Variants in CHODL observed in about 807,000 individuals in gnomAD.
The protein encoded by CHODL is chondrolectin, also known as transmembrane protein MT75.
A neutral mutation model predicts 34.5 loss-of-function variants in CHODL; 29 were observed. The ratio of observed to expected loss-of-function variants is 0.84; its 90% CI spans 0.63 to 1.15. CHODL has a LOEUF of 1.15. Ranked by LOEUF, CHODL falls within the 50% of genes most tolerant of loss-of-function variation. The pLI is 0.00. For synonymous variants in CHODL, 125 were observed against 116.1 expected (o/e 1.08, Z -0.49); for missense variants, 332 against 332.5 (o/e 1.00, Z 0.01).
intron 2 of CHODL, among the ~76,000 whole-genome samples, chr21:18,120,004 T>A (rs2065460427): frequency 6.6e-6 from 1 of 152,160 alleles, no homozygotes; most frequent in South Asian, 2.1e-4. Flanking sequence ...TGTTTGGTGG[T>A]GAGATGCAGA....
chr21:18,263,676 T>C (rs1446196107), intron 5 of CHODL, among the ~76,000 whole-genome samples: 1 of 152,194 alleles, frequency 6.6e-6, no homozygotes, highest in Non-Finnish European at 1.5e-5. Context: ...GCATGTTTGC[T>C]AGAATAAACT....
At chr21:17,932,457 T>C (rs1054080082) in intron 1 of CHODL, among the ~76,000 whole-genome samples, 1 of 152,150 alleles carries the variant, frequency 6.6e-6, no homozygotes, top group Admixed American at 6.5e-5. Context: ...CACTGTTGAG[T>C]ATCTACCCAA....
chr21:18,089,402 C>A (rs932190090), intron 2 of CHODL, among the ~76,000 whole-genome samples: 5 of 151,912 alleles, frequency 3.3e-5, no homozygotes, highest in Non-Finnish European at 7.4e-5. Flanking sequence ...AGTTTAATTT[C>A]TCTTCTGTTT....
intron 2 of CHODL, among the ~76,000 whole-genome samples, chr21:18,147,683 T>G (rs2146621269): frequency 6.6e-6 from 1 of 152,352 alleles, no homozygotes; most frequent in East Asian, 1.9e-4. Flanking sequence ...TCTCTGTCAC[T>G]TCTACTCAAC....
intron 5 of CHODL, among the ~76,000 whole-genome samples, chr21:18,265,418 A>G (rs2074447032): frequency 6.6e-6 from 1 of 152,102 alleles, no homozygotes; most frequent in Admixed American, 6.6e-5. Flanking sequence ...GAAGTAATAC[A>G]GGAATGAAAA....
intron 2 of CHODL, among the ~76,000 whole-genome samples, chr21:18,061,699 A>G (rs1374136573): frequency 2.0e-5 from 3 of 152,284 alleles, no homozygotes; most frequent in South Asian, 2.1e-4. Flanking sequence ...ACTCTCCACA[A>G]TTTCGTGGTG....
At chr21:18,045,047 A>G (rs1207375439) in intron 2 of CHODL, among the ~76,000 whole-genome samples, 3 of 151,946 alleles carry the variant, frequency 2.0e-5, no homozygotes, top group Non-Finnish European at 4.4e-5. Context: ...GGTGATAAGA[A>G]AAAAGCAGTG....
chr21:18,200,312 G>T (rs375688778), intron 2 of CHODL, among the ~76,000 whole-genome samples: 32 of 152,162 alleles, frequency 2.1e-4, no homozygotes, highest in East Asian at 1.9e-3. Context: ...TATAAAATTT[G>T]CAATATAAAT....
chr21:17,917,730 G>A (rs1433927412), intron 1 of CHODL, among the ~76,000 whole-genome samples: 2 of 152,192 alleles, frequency 1.3e-5, no homozygotes, highest in Non-Finnish European at 2.9e-5. Flanking sequence ...CATTGATGTG[G>A]TTCACAAATG....
chr21:18,250,016 T>A (rs1003620669), intron 1 of CHODL, among the ~76,000 whole-genome samples: 1 of 152,164 alleles, frequency 6.6e-6, no homozygotes, highest in Non-Finnish European at 1.5e-5. Context: ...GGAGAGGTCG[T>A]CTTTTCCCAA....
intron 1 of CHODL, among the ~76,000 whole-genome samples, chr21:17,953,749 C>G (rs576275132): frequency 6.6e-6 from 1 of 152,028 alleles, no homozygotes; most frequent in Non-Finnish European, 1.5e-5. Flanking sequence ...TGGTGGCTCA[C>G]GCCTGTAATT....
intron 1 of CHODL, among the ~76,000 whole-genome samples, chr21:17,982,235 T>C (rs2063719587): frequency 1.3e-5 from 2 of 152,224 alleles, no homozygotes; most frequent in South Asian, 4.1e-4. Flanking sequence ...TGAGAAGAGC[T>C]GTACCTTTCA....
chr21:18,199,456 T>C (rs1233946021), intron 2 of CHODL, among the ~76,000 whole-genome samples: 3 of 152,088 alleles, frequency 2.0e-5, no homozygotes, highest in South Asian at 2.1e-4. Flanking sequence ...TTTTTACAAT[T>C]GACATATCAA....
At chr21:18,060,202 C>A (rs1363828241) in intron 2 of CHODL, among the ~76,000 whole-genome samples, 1 of 152,040 alleles carries the variant, frequency 6.6e-6, no homozygotes, top group Admixed American at 6.6e-5. Flanking sequence ...TGCCTGTAAT[C>A]CCAGAACTTT....
chr21:18,158,819 C>T (rs1188425086), intron 2 of CHODL, among the ~76,000 whole-genome samples: 7 of 117,194 alleles, frequency 6.0e-5, no homozygotes, highest in Non-Finnish European at 9.8e-5. Context: ...GCCTGGGCAA[C>T]GAGAGTGAAA....
At chr21:18,232,015 A>C (rs2073983823) in intron 2 of CHODL, among the ~76,000 whole-genome samples, 1 of 152,056 alleles carries the variant, frequency 6.6e-6, no homozygotes, top group Non-Finnish European at 1.5e-5. Flanking sequence ...GCGGAAATTT[A>C]GCTCAGAGAG....
At chr21:18,198,390 ATATAATT>A (rs1465523308) in intron 2 of CHODL, among the ~76,000 whole-genome samples, 2 of 152,204 alleles carry the variant, frequency 1.3e-5, no homozygotes, top group African/African-American at 4.8e-5. Context: ...AAATGGTAAC[ATATAATT>A]TATAAAGTTT....
At chr21:18,105,078 G>A (rs2065257512) in intron 2 of CHODL, among the ~76,000 whole-genome samples, 1 of 152,166 alleles carries the variant, frequency 6.6e-6, no homozygotes, top group African/African-American at 2.4e-5. Context: ...AGCTGGAAAG[G>A]GTAGATATTT....
intron 1 of CHODL, among the ~76,000 whole-genome samples, chr21:17,967,063 T>C (rs437738): frequency 0.61 from 92,133 of 151,640 alleles, 29,182 homozygotes; most frequent in East Asian, 0.79. Flanking sequence ...TTTTGTATTT[T>C]TAGTAGAGAT....
Sources: gnomAD v4.1 joint callset for allele counts (sites outside exome capture counted in the v4.1 genomes callset) on GRCh38, gnomAD v4.1.1 for gene constraint, MANE v1.5 for transcripts, NCBI Gene and HGNC (gene_info 2026-07-23, HGNC 2026-07-21) for gene names.